FRMD3: variants seen among roughly 807,000 people sequenced by gnomAD.
FRMD3 encodes the protein FERM domain-containing protein 3.
A neutral mutation model predicts 70.2 loss-of-function variants in FRMD3; 33 were observed. The ratio of observed to expected loss-of-function variants is 0.47; its 90% CI spans 0.36 to 0.63. FRMD3 has a LOEUF of 0.63. Ranked by LOEUF, FRMD3 falls within the 20% of genes least tolerant of loss-of-function variation. The probability of loss-of-function intolerance (pLI) is 0.00; values close to 1 mark genes in which losing one functional copy is unlikely to be tolerated. For synonymous variants in FRMD3, 279 were observed against 255.9 expected, an observed-to-expected ratio of 1.09 and a Z score of -0.86; for missense variants, 632 against 711.4, an observed-to-expected ratio of 0.89 and a Z score of 1.27.
At chr9:83,251,603 A>G (rs1832432122) in intron 13 of FRMD3, among the ~76,000 whole-genome samples, 1 of 152,228 alleles carries the variant, frequency 6.6e-6, no homozygotes, top group South Asian at 2.1e-4. Context: ...CCCAATGCAA[A>G]GAAGGTAAGA....
chr9:83,560,064 C>T, the FRMD3 span, among the ~76,000 whole-genome samples: 1 of 152,290 alleles, frequency 6.6e-6, no homozygotes, highest in South Asian at 2.1e-4. Flanking sequence ...GCAGAGATTT[C>T]TAGCTGTCCA....
the FRMD3 span, among the ~76,000 whole-genome samples, chr9:83,576,930 T>C: frequency 1.3e-5 from 2 of 152,158 alleles, 1 homozygote; most frequent in Non-Finnish European, 2.9e-5. Flanking sequence ...ATATGCACTA[T>C]CGATTGTATT....
rs1026907609 is a variant in FRMD3 at position 83,449,443 on chromosome 9, T to C, written c.148-59735A>G. Among the ~76,000 whole-genome samples, 2 of 152,162 alleles carry C rather than the reference T, an allele frequency of 1.3e-5. 1 individual carries two copies. Among genetic ancestry groups the C allele is most frequent in the Non-Finnish European group, 2.9e-5 (2 of 68,030 alleles). On this transcript the variant is annotated intron_variant, in intron 1 of 13. Coordinates refer to ENST00000304195, the MANE Select transcript of FRMD3 (RefSeq NM_174938.6). ...GCTTCCTGGTTGAACTCTGAGGTCA[T>C]GGGGTTTATTGTATTTACATGAAGA...
intron 1 of FRMD3, among the ~76,000 whole-genome samples, chr9:83,536,942 A>AAAAAAAAAAAAAAAAG (rs1829907402): frequency 6.6e-6 from 1 of 150,572 alleles, no homozygotes; most frequent in Non-Finnish European, 1.5e-5. Context: ...AAAAAAAAAA[A>AAAAAAAAAAAAAAAAG]AAAAAAAAAA....
At chr9:83,510,747 T>C (rs1051382014) in intron 1 of FRMD3, among the ~76,000 whole-genome samples, 2 of 152,188 alleles carry the variant, frequency 1.3e-5, no homozygotes, top group African/African-American at 4.8e-5. Flanking sequence ...CTATGCTAAA[T>C]GGAAGAAGCC....
intron 1 of FRMD3, among the ~76,000 whole-genome samples, chr9:83,456,439 A>G (rs1290657202): frequency 6.6e-6 from 1 of 151,774 alleles, no homozygotes; most frequent in Admixed American, 6.6e-5. Flanking sequence ...GTTGAGTCAG[A>G]GAGAGAGAGG....
chr9:83,393,920 T>G (rs1825738460), intron 1 of FRMD3, among the ~76,000 whole-genome samples: 1 of 127,690 alleles, frequency 7.8e-6, no homozygotes, highest in Non-Finnish European at 1.7e-5. Context: ...GTGTGTGTGT[T>G]TTTGATTTTG....
At chr9:83,571,561 A>G in the FRMD3 span, among the ~76,000 whole-genome samples, 1 of 152,224 alleles carries the variant, frequency 6.6e-6, no homozygotes, top group Non-Finnish European at 1.5e-5. Flanking sequence ...GCGTGTTGAC[A>G]TCTGAATTGA....
the FRMD3 span, among the ~76,000 whole-genome samples, chr9:83,579,216 G>C: frequency 3.3e-5 from 5 of 151,300 alleles, no homozygotes; most frequent in African/African-American, 1.2e-4. Context: ...AATTAATATT[G>C]TTTAAAATGC....
intron 13 of FRMD3, among the ~76,000 whole-genome samples, chr9:83,290,209 A>G (rs541985171): frequency 5.9e-5 from 9 of 152,244 alleles, no homozygotes; most frequent in African/African-American, 2.2e-4. Flanking sequence ...TATGGCAGCC[A>G]CCAGCCACAT....
chr9:83,424,818 A>G (rs1263073154), intron 1 of FRMD3, among the ~76,000 whole-genome samples: 2 of 152,226 alleles, frequency 1.3e-5, no homozygotes, highest in Admixed American at 1.3e-4. Context: ...ATCCACACAA[A>G]GTAGGTCTTA....
intron 1 of FRMD3, among the ~76,000 whole-genome samples, chr9:83,456,712 G>T (rs1827827504): frequency 6.6e-6 from 1 of 152,186 alleles, no homozygotes; most frequent in Non-Finnish European, 1.5e-5. Context: ...GGGCACAGTG[G>T]CTCACACCTG....
At chr9:83,539,100 C>A (rs911502612), upstream of FRMD3, among the ~76,000 whole-genome samples, 5 of 152,148 alleles carry the variant, frequency 3.3e-5, no homozygotes, top group Admixed American at 6.5e-5. Context: ...TACCTTTGAC[C>A]CGAGCAAGAG....
the FRMD3 span, among the ~76,000 whole-genome samples, chr9:83,581,262 T>C: frequency 6.6e-6 from 1 of 152,076 alleles, no homozygotes; most frequent in East Asian, 1.9e-4. Context: ...TAAAGAACTC[T>C]TACAACTCAA....
rs919219118 is a variant in FRMD3, at chr9:83,538,306, C to T, written c.-75G>A. ...TCGCCTGCGCGGACACACACGCTCG[C>T]ACGCACTGTCCGGGACACCTGGGCG... On this transcript the variant is annotated 5_prime_UTR_variant, in exon 1 of 14. Coordinates refer to ENST00000304195, the MANE Select transcript of FRMD3 (RefSeq NM_174938.6). The surrounding 1 kb of genome is among the most constrained non-coding windows in gnomAD (Gnocchi z 4.7). 2.1e-6 allele frequency: 3 copies of T among 1,457,530 alleles called. No homozygotes were observed. The highest frequency in any genetic ancestry group is 2.8e-5 in the African/African-American group (2 of 71,204). 90.3% of individuals were successfully genotyped at this position (1,457,530 alleles called of 1,614,324 possible).
At chr9:83,391,431 C>G (rs1825662196) in intron 1 of FRMD3, among the ~76,000 whole-genome samples, 1 of 152,138 alleles carries the variant, frequency 6.6e-6, no homozygotes, top group South Asian at 2.1e-4. Context: ...AGGAGCTCAT[C>G]ATTTTATGAT....
At chr9:83,382,077 T>C (rs565564498) in intron 2 of FRMD3, among the ~76,000 whole-genome samples, 128 of 152,270 alleles carry the variant, frequency 8.4e-4, no homozygotes, top group African/African-American at 3.0e-3. Context: ...TGTATTACTA[T>C]TTATTTTAAA....
chr9:83,542,211 T>C (rs79701297), upstream of FRMD3, among the ~76,000 whole-genome samples: 712 of 152,336 alleles, frequency 4.7e-3, 10 homozygotes, highest in African/African-American at 0.017. Context: ...TAACTGATAT[T>C]CTTTACCAAA....
intron 1 of FRMD3, among the ~76,000 whole-genome samples, chr9:83,445,656 C>G (rs1485117597): frequency 6.6e-6 from 1 of 152,140 alleles, no homozygotes; most frequent in Non-Finnish European, 1.5e-5. Flanking sequence ...TAGCTAAGCA[C>G]AGGTGTGGAT....
Sources: gnomAD v4.1 joint callset for allele counts (sites outside exome capture counted in the v4.1 genomes callset) on GRCh38, gnomAD v4.1.1 for gene constraint, Gnocchi (gnomAD v3.1) non-coding constraint, MANE v1.5 for transcripts, NCBI Gene and HGNC (gene_info 2026-07-23, HGNC 2026-07-21) for gene names.